ZNF516: variants seen among roughly 807,000 people sequenced by gnomAD.
ZNF516 encodes zinc finger protein 516.
ZNF516 carries 19 observed loss-of-function variants against 79.7 expected under a neutral mutation model. The observed-to-expected ratio is 0.24, with a 90% confidence interval of 0.17 to 0.35. The LOEUF is 0.35. ZNF516 is among the 10% of genes least tolerant of loss of function. ZNF516 has a pLI of 1.00. For missense variants in ZNF516, 1,678 were observed against 1,679.5 expected (o/e 1.00, Z 0.02); for synonymous variants, 877 against 739.5 (o/e 1.19, Z -3.02).
intron 3 of ZNF516, among the ~76,000 whole-genome samples, chr18:76,385,080 G>A (rs1226404362): frequency 6.6e-6 from 1 of 152,248 alleles, no homozygotes; most frequent in Admixed American, 6.5e-5. Context: ...GGTCCGAGCA[G>A]CCCTAGAGAA....
intron 2 of ZNF516, among the ~76,000 whole-genome samples, chr18:76,461,801 C>A (rs1196898915): frequency 1.3e-5 from 2 of 152,206 alleles, no homozygotes; most frequent in African/African-American, 4.8e-5. Context: ...AGGCGAGGGG[C>A]CCAGGTCTCA....
At chr18:76,408,744 A>T (rs2075333863) in intron 3 of ZNF516, among the ~76,000 whole-genome samples, 1 of 152,272 alleles carries the variant, frequency 6.6e-6, no homozygotes, top group African/African-American at 2.4e-5. Context: ...GCTAATTCAC[A>T]GAAAACAACT....
chr18:76,419,499 G>A (rs1036573111), intron 3 of ZNF516, among the ~76,000 whole-genome samples: 2 of 152,172 alleles, frequency 1.3e-5, no homozygotes, highest in African/African-American at 4.8e-5. Flanking sequence ...TTTCACAACA[G>A]TTGGATATGA....
rs1165676482 is a variant in ZNF516 at position 76,358,702 on chromosome 18, C to T, written c.*3796G>A. 3 of 152,204 alleles carry T rather than the reference C, an allele frequency of 2.0e-5. No homozygotes were observed. Among genetic ancestry groups the T allele is most frequent in the African/African-American group, 7.2e-5 (3 of 41,430 alleles). The allele number at this position is 152,204 out of a possible 1,614,324, so 9.4% of individuals were successfully genotyped here. A position where few individuals can be genotyped will look rare whatever the true frequency, so the allele number is the denominator to read the frequency against. On this transcript the variant is annotated 3_prime_UTR_variant, in exon 7 of 7. Coordinates refer to ENST00000443185, the MANE Select transcript of ZNF516 (RefSeq NM_014643.4). ...GAAAGTAAAGCTATGTGAATGCCGT[C>T]CTTCCTTCCTTCCTTTTTCTACAGC...
At chr18:76,381,798 A>C (rs1041264520) in intron 3 of ZNF516, among the ~76,000 whole-genome samples, 3 of 152,188 alleles carry the variant, frequency 2.0e-5, no homozygotes, top group Non-Finnish European at 4.4e-5. Flanking sequence ...AAGGAAGAAA[A>C]AACTATCCAA....
At chr18:76,412,964 G>A (rs1048643872) in intron 3 of ZNF516, among the ~76,000 whole-genome samples, 6 of 152,130 alleles carry the variant, frequency 3.9e-5, no homozygotes, top group South Asian at 4.1e-4. Flanking sequence ...ATCACTGCAC[G>A]CCACCGCGGC....
rs139450782 is a variant in ZNF516, at chr18:76,464,173, A to C, written c.-271-1032T>G. ...ACCCCGTCTGTACTAAAAATACAAAAAAAAATTTTAGTACTTTAAAAATTT... is the reference window on the plus strand; with the variant it reads ...ACCCCGTCTGTACTAAAAATACAAACAAAAATTTTAGTACTTTAAAAATTT... On this transcript the variant is annotated intron_variant, in intron 1 of 6. Transcript: ENST00000443185. 6.9e-3 allele frequency among the ~76,000 whole-genome samples: 1,055 copies of C among 152,224 alleles called. 6 individuals are homozygous for C. Among genetic ancestry groups the C allele is most frequent in the Non-Finnish European group, 0.012 (839 of 68,020 alleles).
chr18:76,380,327 G>T, intron 3 of ZNF516, 24 bp from the exon 4 acceptor site: 1 of 1,604,808 alleles, frequency 6.2e-7, no homozygotes, highest in Non-Finnish European at 8.5e-7. Flanking sequence ...AATATGAAAC[G>T]GGAAGTTACC....
intron 1 of ZNF516, among the ~76,000 whole-genome samples, chr18:76,465,282 C>G (rs962368889): frequency 6.6e-6 from 1 of 152,204 alleles, no homozygotes; most frequent in East Asian, 1.9e-4. Flanking sequence ...CCCCTGGACA[C>G]CAGCTTCAGA....
Position 76,357,857 on chromosome 18 carries a change from T to C in ZNF516, c.*4641A>G, listed in dbSNP as rs2074478502. Among the ~76,000 whole-genome samples, 1 of 152,102 alleles carries C rather than the reference T, an allele frequency of 6.6e-6. No individual in the cohort carries two copies. Among genetic ancestry groups the C allele is most frequent in the African/African-American group, 2.4e-5 (1 of 41,408 alleles). ...CGTCCGCGTCCATCCCTGTGCGTCC[T>C]GTATGGGTGACAGTGCAAGGGTAAG... On this transcript the variant is annotated 3_prime_UTR_variant, in exon 7 of 7. Transcript: ENST00000443185.
intron 1 of ZNF516, among the ~76,000 whole-genome samples, chr18:76,489,068 C>T (rs558530299): frequency 6.6e-6 from 1 of 152,360 alleles, no homozygotes; most frequent in Non-Finnish European, 1.5e-5. Context: ...TCTATCTCTA[C>T]AGCATTAAGG....
At chr18:76,424,573 C>T (rs1440255732) in intron 3 of ZNF516, among the ~76,000 whole-genome samples, 2 of 134,992 alleles carry the variant, frequency 1.5e-5, no homozygotes, top group African/African-American at 5.7e-5. Flanking sequence ...GAAAAGGTTC[C>T]CCCGAAACAC....
rs575592942 is a variant in ZNF516 at position 76,396,637 on chromosome 18, A to G, written c.1811-16334T>C. Reference sequence around the variant, plus strand: ...AAATCAGGCGTCCAGATTTCATCACAATTTGAATTTCTAAGACAATCAAAA... The same window carrying G: ...AAATCAGGCGTCCAGATTTCATCACGATTTGAATTTCTAAGACAATCAAAA... On this transcript the variant is annotated intron_variant, in intron 3 of 6. Transcript: ENST00000443185. 3.3e-5 allele frequency among the ~76,000 whole-genome samples: 5 copies of G among 152,304 alleles called. No individual in the cohort carries two copies. In the East Asian group the frequency reaches 9.7e-4, roughly 29 times the overall value.
At chr18:76,382,302 C>T (rs1447844631) in intron 3 of ZNF516, among the ~76,000 whole-genome samples, 1 of 152,120 alleles carries the variant, frequency 6.6e-6, no homozygotes, top group Non-Finnish European at 1.5e-5. Flanking sequence ...AAAGAGGAAA[C>T]GTTAGCCTTT....
chr18:76,426,043 C>T (rs1226323834), intron 3 of ZNF516, among the ~76,000 whole-genome samples: 1 of 152,226 alleles, frequency 6.6e-6, no homozygotes, highest in Non-Finnish European at 1.5e-5. Context: ...ATTCAAGTAA[C>T]TTTTAGAGAG....
chr18:76,486,709 T>G (rs1425846895), intron 1 of ZNF516, among the ~76,000 whole-genome samples: 1 of 150,348 alleles, frequency 6.7e-6, no homozygotes, highest in Admixed American at 6.6e-5. Context: ...AAACACCAGA[T>G]TCCCTCTGCC....
At chr18:76,372,949 G>A (rs1437315877) in intron 4 of ZNF516, 2 of 152,364 alleles carry the variant, frequency 1.3e-5, no homozygotes, top group South Asian at 2.1e-4. Flanking sequence ...AGGAGTTCAA[G>A]ACCAGCCTGG....
chr18:76,375,251 C>T (rs922108902), intron 4 of ZNF516, among the ~76,000 whole-genome samples: 7 of 152,162 alleles, frequency 4.6e-5, no homozygotes, highest in African/African-American at 9.7e-5. Flanking sequence ...AAAGGAAATG[C>T]GGAAGGTCCC....
At chr18:76,457,493 G>C (rs1052809991) in intron 2 of ZNF516, among the ~76,000 whole-genome samples, 1 of 152,182 alleles carries the variant, frequency 6.6e-6, no homozygotes, top group African/African-American at 2.4e-5. Flanking sequence ...AGGATCACCT[G>C]AGCCCAGGAG....
Sources: allele counts gnomAD v4.1 joint callset (sites outside exome capture counted in the v4.1 genomes callset), GRCh38; gene constraint gnomAD v4.1.1; transcripts MANE v1.5; gene names NCBI Gene and HGNC (gene_info 2026-07-23, HGNC 2026-07-21).